Variants in SYNE1 observed in about 807,000 individuals in gnomAD.
SYNE1 encodes the protein spectrin repeat containing nuclear envelope protein 1, also known as nesprin-1.
SYNE1 carries 616 observed loss-of-function variants against 1,111.0 expected under a neutral mutation model. The ratio of observed to expected loss-of-function variants is 0.55; its 90% CI spans 0.52 to 0.59. SYNE1 has a LOEUF of 0.59. Ranked by LOEUF, SYNE1 falls within the 20% of genes least tolerant of loss-of-function variation. SYNE1 has a pLI of 0.00. For synonymous variants in SYNE1, 3,855 were observed against 3,825.8 expected (o/e 1.01, Z -0.28); for missense variants, 10,006 against 10,417.0 (o/e 0.96, Z 1.72).
chr6:152,258,754 T>A (rs892749435), intron 101 of SYNE1, among the ~76,000 whole-genome samples: 63 of 151,858 alleles, frequency 4.1e-4, no homozygotes, highest in African/African-American at 1.3e-3. Flanking sequence ...TTCTTCTTTT[T>A]TTTTTTTTGA....
At chr6:152,363,399 C>A (rs1040323159) in intron 63 of SYNE1, among the ~76,000 whole-genome samples, 1 of 150,414 alleles carries the variant, frequency 6.6e-6, no homozygotes, top group Admixed American at 6.6e-5. Flanking sequence ...GAGGCTGAGG[C>A]AGGAGAATGG....
In SYNE1 at chr6:152,353,641, C is replaced by A. The variant is rs148028681; in HGVS notation, c.11030G>T (p.Cys3677Phe). ...TCTGGAAGTCAGCTGGGTGGCCTGGCAACCCATTCTGCTGTTCACGTGGCT... is the reference window on the plus strand; with the variant it reads ...TCTGGAAGTCAGCTGGGTGGCCTGGAAACCCATTCTGCTGTTCACGTGGCT... ...DESHVNSRMG[C>F]QATQLTSRYQ... Residue 3677 changes from cysteine (C) to phenylalanine (F), a missense_variant, in exon 68 of 146, where the codon TGC becomes TTC. By Grantham distance (205) the Cys-to-Phe change is radical. Around this residue, in one of 7 missense-constraint regions of SYNE1, gnomAD observed 4,955 missense variants for 5,017.2 expected, o/e 0.99. Transcript: ENST00000367255. 36 of 1,614,076 alleles carry A rather than the reference C, an allele frequency of 2.2e-5. No individual in the cohort carries two copies. The highest frequency in any genetic ancestry group is 5.3e-5 in the African/African-American group (4 of 74,926).
chr6:152,176,656 G>T, intron 129 of SYNE1, 96 bp from the exon 130 acceptor site: 4 of 1,248,190 alleles, frequency 3.2e-6, no homozygotes, highest in Non-Finnish European at 4.7e-6. Context: ...GCTTTCTACT[G>T]CTTGGAAGTA....
chr6:152,135,010 A>C, intron 142 of SYNE1, 94 bp downstream of exon 142: 1 of 1,572,416 alleles, frequency 6.4e-7, no homozygotes, highest in Non-Finnish European at 8.7e-7. Flanking sequence ...GTTAAAAAAA[A>C]AGAAACAACA....
intron 45 of SYNE1, chr6:152,404,862 A>C (rs1314504747): frequency 6.5e-6 from 1 of 152,788 alleles, no homozygotes; most frequent in Non-Finnish European, 1.5e-5. Flanking sequence ...TAACATAAAG[A>C]AGAGGAAAGA....
Position 152,330,477 on chromosome 6 carries a change from T to G in SYNE1, c.14208A>C (p.Lys4736Asn), listed in dbSNP as rs756677950. Residue 4736 changes from lysine (K) to asparagine (N), a missense_variant, in exon 78 of 146, where the codon AAA (lysine) becomes AAC (asparagine). By Grantham distance (94) the Lys-to-Asn change is moderately conservative. Transcript: ENST00000367255. ...GACCTGTGCTGCGAAAACCTTCTTT[T>G]TTCTGGTTCAGTTCATCCACCGCCT... ...LGEAVDELNQ[K>N]KEGFRSTGQP... 6.2e-7 allele frequency: 1 copy of G among 1,614,166 alleles called. No homozygotes were observed. The highest frequency in any genetic ancestry group is 1.7e-5 in the Admixed American group (1 of 60,022).
At chr6:152,204,340 T>A (rs2076090799) in intron 126 of SYNE1, among the ~76,000 whole-genome samples, 1 of 143,760 alleles carries the variant, frequency 7.0e-6, no homozygotes, top group Admixed American at 7.2e-5. Flanking sequence ...CACTCCAGCC[T>A]GGGTGACACA....
At chr6:152,573,286 C>G (rs2099476015) in intron 3 of SYNE1, among the ~76,000 whole-genome samples, 2 of 150,830 alleles carry the variant, frequency 1.3e-5, no homozygotes, top group Non-Finnish European at 3.0e-5. Flanking sequence ...CACCCATTAA[C>G]TCGTCATTTA....
intron 11 of SYNE1, among the ~76,000 whole-genome samples, chr6:152,494,811 A>G (rs1030033413): frequency 6.6e-6 from 1 of 152,190 alleles, no homozygotes; most frequent in Non-Finnish European, 1.5e-5. Context: ...AAAGGCCATC[A>G]AAAAGCCTCA....
intron 6 of SYNE1, among the ~76,000 whole-genome samples, chr6:152,515,382 A>G (rs1370789986): frequency 6.6e-6 from 1 of 152,194 alleles, no homozygotes; most frequent in Non-Finnish European, 1.5e-5. Flanking sequence ...GTTGCTTTCT[A>G]CAATGAGGTA....
intron 86 of SYNE1, among the ~76,000 whole-genome samples, chr6:152,317,555 G>A (rs2095762897): frequency 6.6e-6 from 1 of 152,104 alleles, no homozygotes; most frequent in African/African-American, 2.4e-5. Flanking sequence ...GGGTAAGGAG[G>A]TGGCAAGTGG....
intron 58 of SYNE1, among the ~76,000 whole-genome samples, chr6:152,374,117 T>G (rs976824969): frequency 4.1e-4 from 63 of 152,338 alleles, no homozygotes; most frequent in African/African-American, 1.4e-3. Flanking sequence ...AGAGAGTGTT[T>G]CATAGGGTTG....
chr6:152,398,000 C>CA (rs569912534), intron 49 of SYNE1, among the ~76,000 whole-genome samples: 1,633 of 101,986 alleles, frequency 0.016, 12 homozygotes, highest in Middle Eastern at 0.037. Flanking sequence ...GACTCCATCT[C>CA]AAAAAAAAAA....
At position 152,284,185 on chromosome 6, in the gene SYNE1, CTG is replaced by C. The variant is rs759890605; in HGVS notation, c.18013-15_18013-14del. The C allele has an allele frequency of 6.2e-7, 1 of 1,613,858 alleles. No homozygotes were observed. The highest frequency in any genetic ancestry group is 1.1e-5 in the South Asian group (1 of 91,016). On this transcript the variant is annotated splice_polypyrimidine_tract_variant and intron_variant, in intron 95 of 145. Coordinates refer to ENST00000367255, the MANE Select transcript of SYNE1 (RefSeq NM_182961.4). Reference sequence around the variant, plus strand: ...CATCCATCAATGCCTGGAGGAAAGACTGTGGAATCACACTCATGTATTCATTT... The same window carrying C: ...CATCCATCAATGCCTGGAGGAAAGACTGGAATCACACTCATGTATTCATTT...
At position 152,463,508 on chromosome 6, in the gene SYNE1, G is replaced by GA. The variant is rs775516009; in HGVS notation, c.1941dup (p.Arg648SerfsTer22). On this transcript the variant is annotated frameshift_variant, in exon 19 of 146. Transcript: ENST00000367255. LOFTEE classifies it high-confidence loss of function. ...TGCTGAATCCAATGAGGTAAATTTC[G>GA]AAAAAAATCCTAAACAATAAATAAT... 1.5e-5 allele frequency: 24 copies of GA among 1,612,310 alleles called. No individual in the cohort carries two copies. Among genetic ancestry groups the GA allele is most frequent in the African/African-American group, 2.7e-5 (2 of 74,740 alleles).
Position 152,405,895 on chromosome 6 carries a change from A to G in SYNE1, c.6723+1119T>C, listed in dbSNP as rs558813206. The stretch of plus-strand genomic sequence containing the variant: ...TAGGTAATGCAATTCATTCATGTAT[A>G]TTTTTCTGGACCAAAGTCACTATCT... On this transcript the variant is annotated intron_variant, in intron 45 of 145. Coordinates refer to ENST00000367255, the MANE Select transcript of SYNE1 (RefSeq NM_182961.4). Among the ~76,000 whole-genome samples the G allele has an allele frequency of 5.3e-5, 8 of 152,162 alleles. No homozygotes were observed. In the East Asian group the frequency reaches 1.2e-3, roughly 22 times the overall value.
At chr6:152,513,124 C>T (rs1055997878) in intron 6 of SYNE1, among the ~76,000 whole-genome samples, 1 of 152,152 alleles carries the variant, frequency 6.6e-6, no homozygotes, top group Admixed American at 6.5e-5. Flanking sequence ...GATTCTGATG[C>T]ACATTAGTGC....
rs11305679 is a variant in SYNE1, at chr6:152,509,248, C to CTTTTTTTTTTTTT, written c.581+932_581+944dup. Among the ~76,000 whole-genome samples, 35 of 75,718 alleles carry CTTTTTTTTTTTTT rather than the reference C, an allele frequency of 4.6e-4. 1 individual carries two copies. The highest frequency in any genetic ancestry group is 8.2e-4 in the African/African-American group (17 of 20,742). The allele number at this position is 75,718 out of a possible 152,430, so 49.7% of individuals were successfully genotyped here. A position where few individuals can be genotyped will look rare whatever the true frequency, so the allele number is the denominator to read the frequency against. On this transcript the variant is annotated intron_variant, in intron 8 of 145. Coordinates refer to ENST00000367255, the MANE Select transcript of SYNE1 (RefSeq NM_182961.4). The stretch of plus-strand genomic sequence containing the variant: ...AGCACTCTTTTTCTTTTTTCTTTTT[C>CTTTTTTTTTTTTT]TTTTTTTTTTTTTTTTTTTTGAGAT...
At chr6:152,218,172 A>G in intron 121 of SYNE1, 85 bp downstream of exon 121, 3 of 1,514,140 alleles carry the variant, frequency 2.0e-6, no homozygotes, top group Non-Finnish European at 1.8e-6. Context: ...AGCTTGGGCG[A>G]CAGAGTGAGA....
Sources: allele counts gnomAD v4.1 joint callset (sites outside exome capture counted in the v4.1 genomes callset), GRCh38; gene constraint gnomAD v4.1.1; regional missense constraint gnomAD v4.1.1; transcripts MANE v1.5; gene names NCBI Gene and HGNC (gene_info 2026-07-23, HGNC 2026-07-21).